MIB1: variants seen among roughly 807,000 people sequenced by gnomAD.
The protein encoded by MIB1 is E3 ubiquitin-protein ligase MIB1.
In MIB1, 278 loss-of-function variants were observed where a neutral mutation model predicts 124.5. That is an observed-to-expected ratio of 2.23 (90% confidence interval 2.02 to 2.47). MIB1 has a LOEUF of 2.47. Among genes scored for constraint, MIB1 ranks in the 30% most tolerant of loss-of-function variants. MIB1 has a pLI of 0.00. For synonymous variants in MIB1, 446 were observed against 429.4 expected (o/e 1.04, Z -0.48); for missense variants, 957 against 1,254.4 (o/e 0.76, Z 3.58).
chr18:21,757,321 A>G (rs1370539250), intron 1 of MIB1, among the ~76,000 whole-genome samples: 1 of 150,926 alleles, frequency 6.6e-6, no homozygotes, highest in Non-Finnish European at 1.5e-5. Context: ...TTGTGGTGGC[A>G]CATGCCTGTT....
intron 18 of MIB1, among the ~76,000 whole-genome samples, chr18:21,854,319 C>G (rs1322804883): frequency 6.6e-6 from 1 of 152,186 alleles, no homozygotes; most frequent in Non-Finnish European, 1.5e-5. Context: ...TCAGCTCTTT[C>G]CCACTGCTGT....
rs981502187 is a variant in MIB1 at position 21,866,252 on chromosome 18, A to G, written c.*1586A>G. 13 of 152,194 alleles carry G rather than the reference A, an allele frequency of 8.5e-5. No individual in the cohort carries two copies. Among genetic ancestry groups the G allele is most frequent in the African/African-American group, 2.4e-4 (10 of 41,454 alleles). 9.4% of individuals were successfully genotyped at this position (152,194 alleles called of 1,614,324 possible). A position where few individuals can be genotyped will look rare whatever the true frequency, so the allele number is the denominator to read the frequency against. On this transcript the variant is annotated 3_prime_UTR_variant, in exon 21 of 21. Transcript: ENST00000261537. ...GCCTTTGCAAGTCCTGGTGAAAGCA[A>G]TGGGGAGCTTTGCTGGCTGGTTTTG...
At chr18:21,806,853 C>T (rs975889319) in intron 10 of MIB1, among the ~76,000 whole-genome samples, 1 of 151,180 alleles carries the variant, frequency 6.6e-6, no homozygotes, top group African/African-American at 2.4e-5. Context: ...CATCTCCTCA[C>T]CTCGTGATCC....
intron 13 of MIB1, among the ~76,000 whole-genome samples, chr18:21,842,479 G>A (rs2042100023): frequency 6.6e-6 from 1 of 152,162 alleles, no homozygotes; most frequent in Non-Finnish European, 1.5e-5. Flanking sequence ...AGATGATGGA[G>A]TTTTGACCTA....
At chr18:21,795,331 TATATA>T (rs1232831599) in intron 7 of MIB1, among the ~76,000 whole-genome samples, 4 of 142,040 alleles carry the variant, frequency 2.8e-5, no homozygotes, top group Non-Finnish European at 6.1e-5. Context: ...AATATATAAA[TATATA>T]ATATATATAA....
At chr18:21,807,553 C>G (rs1462040482) in intron 10 of MIB1, among the ~76,000 whole-genome samples, 1 of 152,150 alleles carries the variant, frequency 6.6e-6, no homozygotes, top group Non-Finnish European at 1.5e-5. Flanking sequence ...TGGTTCTCAG[C>G]TGGGGGCATT....
intron 20 of MIB1, among the ~76,000 whole-genome samples, chr18:21,864,218 C>G (rs1598649140): frequency 6.6e-6 from 1 of 152,116 alleles, no homozygotes; most frequent in East Asian, 1.9e-4. Flanking sequence ...TCAAGTGATT[C>G]TCGCGCCTCA....
intron 1 of MIB1, among the ~76,000 whole-genome samples, chr18:21,734,346 C>T (rs1037243026): frequency 3.3e-5 from 5 of 151,764 alleles, no homozygotes; most frequent in Non-Finnish European, 5.9e-5. Flanking sequence ...ACCTCGTGAT[C>T]CACCAACCTC....
intron 4 of MIB1, among the ~76,000 whole-genome samples, chr18:21,775,405 A>C (rs1167706572): frequency 6.6e-6 from 1 of 152,092 alleles, no homozygotes; most frequent in Non-Finnish European, 1.5e-5. Flanking sequence ...ATGCCCAACT[A>C]ATATTAAAAA....
At chr18:21,852,925 G>A (rs538612172) in intron 17 of MIB1, among the ~76,000 whole-genome samples, 3 of 151,940 alleles carry the variant, frequency 2.0e-5, no homozygotes, top group Non-Finnish European at 4.4e-5. Flanking sequence ...GGGAGATGAA[G>A]GTAGAATAGA....
At chr18:21,775,907 A>G (rs767096014) in intron 4 of MIB1, among the ~76,000 whole-genome samples, 6 of 152,188 alleles carry the variant, frequency 3.9e-5, no homozygotes, top group African/African-American at 9.7e-5. Context: ...GCCTTTGTAC[A>G]TTATGGGTAT....
At chr18:21,751,684 CCTTT>C (rs1458827668) in intron 1 of MIB1, among the ~76,000 whole-genome samples, 3 of 151,478 alleles carry the variant, frequency 2.0e-5, no homozygotes, top group African/African-American at 7.3e-5. Context: ...CTTTCCCCTT[CCTTT>C]CTTTCTTCCC....
intron 1 of MIB1, among the ~76,000 whole-genome samples, chr18:21,730,680 T>C (rs1388121773): frequency 2.6e-5 from 4 of 152,220 alleles, no homozygotes; most frequent in Admixed American, 6.5e-5. Context: ...CAGGTCACCA[T>C]CTTCTCTCAA....
intron 12 of MIB1, chr18:21,825,344 T>A: frequency 3.7e-6 from 1 of 272,310 alleles, no homozygotes; most frequent in South Asian, 3.4e-5. Flanking sequence ...TGTGTTCAGG[T>A]GGGTTTTAGG....
chr18:21,724,712 C>CAAAAAAAAAA (rs1193584277), intron 1 of MIB1, among the ~76,000 whole-genome samples: 3 of 20,758 alleles, frequency 1.4e-4, no homozygotes, highest in African/African-American at 1.0e-3. Flanking sequence ...CTCCCCCATC[C>CAAAAAAAAAA]AAAAAAAAAA....
Position 21,741,527 on chromosome 18 carries a change from C to CCGGCGGCAG in MIB1, c.-49_-41dup, listed in dbSNP as rs1313310854. 2 of 1,272,106 alleles carry CCGGCGGCAG rather than the reference C, an allele frequency of 1.6e-6. No homozygotes were observed. Among genetic ancestry groups the CCGGCGGCAG allele is most frequent in the Non-Finnish European group, 2.0e-6 (2 of 999,606 alleles). The allele number at this position is 1,272,106 out of a possible 1,614,324, so 78.8% of individuals were successfully genotyped here. On this transcript the variant is annotated 5_prime_UTR_variant, in exon 1 of 21. Transcript: ENST00000261537. This position sits in a 1 kb window ranked among gnomAD's most constrained non-coding sequence, Gnocchi z 5.4. ...CGGGCCCAACTCCCTCACGGGCCCCCCGGCGGCAGCGGCGGCGGCGGCGGC... is the reference window on the plus strand; with the variant it reads ...CGGGCCCAACTCCCTCACGGGCCCCCCGGCGGCAGCGGCGGCAGCGGCGGCGGCGGCGGC...
In MIB1 at chr18:21,864,542, G is replaced by A. The variant is rs1445975939; in HGVS notation, c.2897G>A (p.Cys966Tyr). Residue 966 changes from cysteine to tyrosine, a missense_variant, in exon 21 of 21, where the codon TGT becomes TAT. By Grantham distance (194) the Cys-to-Tyr change is radical (BLOSUM62 -2). Transcript: ENST00000261537. ...DIKEQTMCPV[C>Y]LDRLKNMIFL... ...ACATTACAGACAATGTGCCCTGTGTGTCTAGATCGTCTGAAGAATATGATT... is the reference window on the plus strand; with the variant it reads ...ACATTACAGACAATGTGCCCTGTGTATCTAGATCGTCTGAAGAATATGATT... The A allele has an allele frequency of 7.4e-6, 12 of 1,613,054 alleles. No homozygotes were observed. The highest frequency in any genetic ancestry group is 1.1e-5 in the South Asian group (1 of 91,026).
Position 21,847,016 on chromosome 18 carries a change from AATGGTGCTGACCTGAGC to A in MIB1, c.2287_2303del (p.Gly763SerfsTer3). The A allele has an allele frequency of 6.2e-7, 1 of 1,614,200 alleles. No homozygotes were observed. The highest frequency in any genetic ancestry group is 8.5e-7 in the Non-Finnish European group (1 of 1,180,022). ...ATCTATTGCCTGTTTCTTGGCAGCC[AATGGTGCTGACCTGAGC>A]ATTCGAAATAAGAAGGGTCAATCGC... On this transcript the variant is annotated frameshift_variant, in exon 16 of 21. Coordinates refer to ENST00000261537, the MANE Select transcript of MIB1 (RefSeq NM_020774.4). LOFTEE classifies it high-confidence loss of function.
intron 12 of MIB1, chr18:21,829,136 T>C (rs935311803): frequency 2.3e-5 from 10 of 427,664 alleles, no homozygotes; most frequent in African/African-American, 8.6e-5. Context: ...TATTTTCTTA[T>C]TTGTTAGTGA....
Sources: allele counts gnomAD v4.1 joint callset (sites outside exome capture counted in the v4.1 genomes callset), GRCh38; gene constraint gnomAD v4.1.1; non-coding constraint Gnocchi (gnomAD v3.1); transcripts MANE v1.5; gene names NCBI Gene and HGNC (gene_info 2026-07-23, HGNC 2026-07-21).